Variants in BBX observed in about 807,000 individuals in gnomAD.
BBX encodes the protein BBX high mobility group box domain containing, also known as HMG box transcription factor BBX.
BBX carries 30 observed loss-of-function variants against 100.2 expected under a neutral mutation model. The observed-to-expected ratio is 0.30, with a 90% CI of 0.22 to 0.41. The LOEUF (loss-of-function observed/expected upper bound fraction) is 0.41, where lower values mean the gene tolerates loss of function less well. Among genes scored for constraint, BBX ranks in the 10% least tolerant of loss-of-function variants. The pLI, the probability that BBX is intolerant of heterozygous loss-of-function variation, is 1.00. For missense variants in BBX, 1,023 were observed against 1,129.8 expected (o/e 0.91, Z 1.35); for synonymous variants, 376 against 388.1 (o/e 0.97, Z 0.37).
intron 2 of BBX, among the ~76,000 whole-genome samples, chr3:107,608,119 C>T (rs1258685735): frequency 6.6e-6 from 1 of 152,128 alleles, no homozygotes; most frequent in Non-Finnish European, 1.5e-5. Flanking sequence ...TGGGGTATTA[C>T]TCAGGAAATC....
At chr3:107,563,951 T>G (rs1403311747) in intron 2 of BBX, among the ~76,000 whole-genome samples, 2 of 152,214 alleles carry the variant, frequency 1.3e-5, no homozygotes, top group Non-Finnish European at 2.9e-5. Context: ...GTCACTTAGG[T>G]GTGTATTCTT....
intron 2 of BBX, among the ~76,000 whole-genome samples, chr3:107,607,328 G>A (rs543651908): frequency 5.9e-5 from 9 of 152,116 alleles, no homozygotes; most frequent in East Asian, 3.9e-4. Flanking sequence ...TGATCCACCC[G>A]CCTCGGCCTC....
chr3:107,646,584 T>G (rs1205508140), intron 3 of BBX, among the ~76,000 whole-genome samples: 1 of 152,158 alleles, frequency 6.6e-6, no homozygotes, highest in Non-Finnish European at 1.5e-5. Flanking sequence ...TAATAATTAC[T>G]TAAATGCCTA....
In BBX at chr3:107,576,360, C is replaced by T. The variant is rs576460888; in HGVS notation, c.-84+49962C>T. Among the ~76,000 whole-genome samples, 302 of 152,202 alleles carry T rather than the reference C, an allele frequency of 2.0e-3. 1 individual carries two copies. Among genetic ancestry groups the T allele is most frequent in the African/African-American group, 6.8e-3 (281 of 41,548 alleles). The stretch of plus-strand genomic sequence containing the variant: ...AATGTGATTTTTTCAATATCTTTTT[C>T]AAAACACTACTTATATTTTGTTGAA... On this transcript the variant is annotated intron_variant, in intron 2 of 17. Coordinates refer to ENST00000325805, the MANE Select transcript of BBX (RefSeq NM_001142568.3).
At chr3:107,547,994 C>G (rs1271528623) in intron 2 of BBX, among the ~76,000 whole-genome samples, 7 of 152,090 alleles carry the variant, frequency 4.6e-5, no homozygotes, top group African/African-American at 1.7e-4. Context: ...ATTTTTATGG[C>G]TTCTTTCTCA....
At chr3:107,743,918 G>GTTTTTTTTTTTTTTTTTTTTTTTTATT (rs2064329710) in intron 7 of BBX, among the ~76,000 whole-genome samples, 6 of 56,622 alleles carry the variant, frequency 1.1e-4, no homozygotes, top group Non-Finnish European at 1.5e-4. Flanking sequence ...TGTTTTAGTG[G>GTTTTTTTTTTTTTTTTTTTTTTTTATT]TTTTTTTTTT....
chr3:107,731,746 A>G (rs1008213387), intron 6 of BBX, among the ~76,000 whole-genome samples: 1 of 152,048 alleles, frequency 6.6e-6, no homozygotes, highest in Non-Finnish European at 1.5e-5. Context: ...CATATAGTCA[A>G]AGTTGCTTTA....
chr3:107,672,324 A>T (rs1414973508), intron 3 of BBX, among the ~76,000 whole-genome samples: 1 of 152,060 alleles, frequency 6.6e-6, no homozygotes, highest in Non-Finnish European at 1.5e-5. Context: ...ACCTATTAGG[A>T]GAAAGGTCCT....
At chr3:107,662,604 CAT>C (rs1389035163) in intron 3 of BBX, 3 of 147,012 alleles carry the variant, frequency 2.0e-5, no homozygotes, top group Non-Finnish European at 4.5e-5. Flanking sequence ...TTCTGAATAA[CAT>C]AAACTGAAAT....
At chr3:107,783,962 G>A (rs2068159476) in intron 13 of BBX, among the ~76,000 whole-genome samples, 1 of 152,038 alleles carries the variant, frequency 6.6e-6, no homozygotes, top group Admixed American at 6.6e-5. Flanking sequence ...CACTTGCACA[G>A]ATTTATGGTA....
intron 5 of BBX, among the ~76,000 whole-genome samples, chr3:107,717,833 A>G (rs932103541): frequency 4.3e-4 from 66 of 152,152 alleles, no homozygotes; most frequent in African/African-American, 1.6e-3. Context: ...GCTAAACTTG[A>G]AAGGAATAAT....
intron 6 of BBX, among the ~76,000 whole-genome samples, chr3:107,730,074 A>T (rs2063213478): frequency 6.6e-6 from 1 of 152,092 alleles, no homozygotes. Context: ...GCGACAGAGC[A>T]ACACCCTGCC....
At chr3:107,736,687 C>A (rs1424350200) in intron 7 of BBX, among the ~76,000 whole-genome samples, 1 of 151,886 alleles carries the variant, frequency 6.6e-6, no homozygotes, top group Non-Finnish European at 1.5e-5. Context: ...TCTTAAAAAA[C>A]AAGGCAGGGA....
At chr3:107,742,330 G>A (rs1382941109) in intron 7 of BBX, among the ~76,000 whole-genome samples, 1 of 142,004 alleles carries the variant, frequency 7.0e-6, no homozygotes, top group Non-Finnish European at 1.5e-5. Context: ...TTTTTTTGTC[G>A]GCCCTCTTGG....
intron 2 of BBX, among the ~76,000 whole-genome samples, chr3:107,537,736 G>A (rs1056860466): frequency 6.6e-5 from 10 of 152,216 alleles, no homozygotes; most frequent in African/African-American, 2.4e-4. Flanking sequence ...ACCTCAGAAT[G>A]TATGTGTTTT....
intron 15 of BBX, among the ~76,000 whole-genome samples, chr3:107,791,923 C>T (rs2069098444): frequency 6.6e-6 from 1 of 152,174 alleles, no homozygotes; most frequent in Admixed American, 6.5e-5. Context: ...GTTGCTTGAA[C>T]CCGGGAGGCG....
rs558748190 is a variant in BBX, at chr3:107,548,066, A to C, written c.-84+21668A>C. Among the ~76,000 whole-genome samples, 5 of 152,262 alleles carry C rather than the reference A, an allele frequency of 3.3e-5. No homozygotes were observed. In the South Asian group the frequency reaches 1.0e-3, roughly 32 times the overall value. ...CAGAGCCTAATTAAGTTGGTGTTTTAAATACTTACCTGGGAGGCATCGAGG... is the reference window on the plus strand; with the variant it reads ...CAGAGCCTAATTAAGTTGGTGTTTTCAATACTTACCTGGGAGGCATCGAGG... On this transcript the variant is annotated intron_variant, in intron 2 of 17. Coordinates refer to ENST00000325805, the MANE Select transcript of BBX (RefSeq NM_001142568.3).
chr3:107,583,611 T>C (rs543027949), intron 2 of BBX, among the ~76,000 whole-genome samples: 1 of 151,884 alleles, frequency 6.6e-6, no homozygotes, highest in Admixed American at 6.6e-5. Context: ...CTAACCATTT[T>C]GAAGTATACA....
chr3:107,673,216 G>A (rs1270717936), intron 3 of BBX, among the ~76,000 whole-genome samples: 2 of 152,034 alleles, frequency 1.3e-5, no homozygotes, highest in Non-Finnish European at 2.9e-5. Flanking sequence ...TGATAATAAA[G>A]AAAAGAGAAC....
Sources: gnomAD v4.1 joint callset for allele counts (sites outside exome capture counted in the v4.1 genomes callset) on GRCh38, gnomAD v4.1.1 for gene constraint, MANE v1.5 for transcripts, NCBI Gene and HGNC (gene_info 2026-07-23, HGNC 2026-07-21) for gene names.